The following SPAG6 variants were observed in gnomAD, a reference collection of about 807,000 sequenced individuals.
SPAG6 encodes sperm-associated antigen 6.
Under a neutral mutation model 58.5 loss-of-function variants are expected in SPAG6, and 49 were observed. The observed-to-expected ratio is 0.84, with a 90% CI of 0.67 to 1.06. The LOEUF is 1.06. Ranked by LOEUF, SPAG6 falls within the 50% of genes least tolerant of loss-of-function variation. The pLI is 0.00. For missense variants in SPAG6, 560 were observed against 611.3 expected (o/e 0.92, Z 0.89); for synonymous variants, 233 against 225.6 (o/e 1.03, Z -0.29).
At chr10:22,414,754 A>T (rs1834828720) in intron 10 of SPAG6, among the ~76,000 whole-genome samples, 1 of 152,146 alleles carries the variant, frequency 6.6e-6, no homozygotes, top group African/African-American at 2.4e-5. Flanking sequence ...CAGACATACT[A>T]GCCATTTTCT....
At chr10:22,406,092 C>T (rs1368277201) in intron 9 of SPAG6, among the ~76,000 whole-genome samples, 6 of 152,138 alleles carry the variant, frequency 3.9e-5, no homozygotes, top group Non-Finnish European at 8.8e-5. Context: ...AAACCAGCTC[C>T]TGGATTCGTT....
intron 5 of SPAG6, 128 bp from the exon 6 acceptor site, chr10:22,387,695 T>G: frequency 1.2e-6 from 1 of 823,484 alleles, no homozygotes; most frequent in Admixed American, 3.4e-5. Context: ...TTAGGCTGTT[T>G]AGGCATGTAC....
intron 4 of SPAG6, among the ~76,000 whole-genome samples, chr10:22,382,420 A>G (rs1380794786): frequency 6.6e-6 from 1 of 151,824 alleles, no homozygotes; most frequent in African/African-American, 2.4e-5. Context: ...GTTTGCAGTC[A>G]AAAAAAAGGT....
chr10:22,399,750 C>G (rs1169269844), intron 8 of SPAG6, among the ~76,000 whole-genome samples: 1 of 152,088 alleles, frequency 6.6e-6, no homozygotes, highest in Non-Finnish European at 1.5e-5. Flanking sequence ...ATAAGGCTGT[C>G]TTTATTGTAC....
intron 8 of SPAG6, among the ~76,000 whole-genome samples, chr10:22,398,905 G>A (rs975252370): frequency 2.0e-5 from 3 of 151,840 alleles, no homozygotes; most frequent in African/African-American, 7.3e-5. Flanking sequence ...CGCAACCTCC[G>A]CCTCCTGGGT....
intron 9 of SPAG6, among the ~76,000 whole-genome samples, chr10:22,410,166 T>G (rs1834693989): frequency 6.6e-6 from 1 of 152,198 alleles, no homozygotes; most frequent in African/African-American, 2.4e-5. Flanking sequence ...TCTGATCTTC[T>G]GTCTCTCTAA....
chr10:22,362,036 A>T (rs1026133974), intron 2 of SPAG6, among the ~76,000 whole-genome samples: 5 of 146,250 alleles, frequency 3.4e-5, no homozygotes, highest in Non-Finnish European at 7.5e-5. Flanking sequence ...AAATATATAG[A>T]TATATTATTT....
At chr10:22,369,027 C>A (rs1837273471) in intron 4 of SPAG6, among the ~76,000 whole-genome samples, 1 of 152,052 alleles carries the variant, frequency 6.6e-6, no homozygotes, top group South Asian at 2.1e-4. Context: ...ATGGCAAAAA[C>A]CCCAATTACT....
chr10:22,393,178 A>G (rs1308378799), intron 8 of SPAG6, among the ~76,000 whole-genome samples: 3 of 152,096 alleles, frequency 2.0e-5, no homozygotes, highest in East Asian at 1.9e-4. Context: ...ATTGTAACCT[A>G]TATCTGTAGT....
At chr10:22,393,053 T>C (rs1834217347) in intron 8 of SPAG6, among the ~76,000 whole-genome samples, 1 of 152,144 alleles carries the variant, frequency 6.6e-6, no homozygotes, top group South Asian at 2.1e-4. Context: ...AGATTAACAA[T>C]GTAAGGTCTT....
intron 8 of SPAG6, among the ~76,000 whole-genome samples, chr10:22,393,525 G>A (rs1195314407): frequency 2.0e-5 from 3 of 152,088 alleles, no homozygotes; most frequent in Non-Finnish European, 4.4e-5. Context: ...ACTTTTTGAA[G>A]TAAGATAAAT....
intron 4 of SPAG6, among the ~76,000 whole-genome samples, chr10:22,372,500 G>A (rs1167338786): frequency 6.6e-6 from 1 of 152,150 alleles, no homozygotes; most frequent in East Asian, 1.9e-4. Flanking sequence ...GGTGGGTGAG[G>A]GAGGCCGCTG....
intron 2 of SPAG6, among the ~76,000 whole-genome samples, chr10:22,354,307 A>G (rs1165284941): frequency 1.3e-5 from 2 of 152,202 alleles, no homozygotes; most frequent in Non-Finnish European, 2.9e-5. Context: ...TGGGGCAGGT[A>G]AGGCGAGAGA....
chr10:22,361,535 A>C (rs1837038452), intron 2 of SPAG6: 1 of 152,104 alleles, frequency 6.6e-6, no homozygotes, highest in South Asian at 2.1e-4. Context: ...ATCTCTACTA[A>C]AAATACAAAA....
intron 8 of SPAG6, 27 bp downstream of exon 8, chr10:22,391,947 G>A: frequency 1.3e-6 from 2 of 1,513,266 alleles, no homozygotes; most frequent in East Asian, 2.3e-5. Context: ...GTTTTATGAA[G>A]ATTTTGGCTC....
chr10:22,349,623 C>T (rs1029001866), intron 2 of SPAG6, among the ~76,000 whole-genome samples: 21 of 152,124 alleles, frequency 1.4e-4, no homozygotes, highest in African/African-American at 4.3e-4. Context: ...ATACACTTTT[C>T]CTGAACCAGC....
intron 4 of SPAG6, among the ~76,000 whole-genome samples, chr10:22,373,688 G>A (rs1306755050): frequency 6.6e-6 from 1 of 152,178 alleles, no homozygotes; most frequent in East Asian, 1.9e-4. Context: ...ATAGATTTCG[G>A]TTGGTTCCAG....
At chr10:22,410,498 G>A (rs117538979) in intron 9 of SPAG6, among the ~76,000 whole-genome samples, 1,644 of 152,274 alleles carry the variant, frequency 0.011, 12 homozygotes, top group Middle Eastern at 0.024. Flanking sequence ...TGACACTTGA[G>A]CTAAGTCTTA....
chr10:22,365,465 G>A (rs1399289765), intron 3 of SPAG6, among the ~76,000 whole-genome samples: 1 of 152,150 alleles, frequency 6.6e-6, no homozygotes. Flanking sequence ...GTAATGGAAG[G>A]TTTGATAAAT....
Sources: allele counts gnomAD v4.1 joint callset (sites outside exome capture counted in the v4.1 genomes callset), GRCh38; gene constraint gnomAD v4.1.1; transcripts MANE v1.5; gene names NCBI Gene and HGNC (gene_info 2026-07-23, HGNC 2026-07-21).